The following TGFB2 variants were observed in gnomAD, a reference collection of about 807,000 sequenced individuals.
The protein encoded by TGFB2 is transforming growth factor beta-2 proprotein.
In TGFB2, 13 loss-of-function variants were observed where a neutral mutation model predicts 42.7. That is an observed-to-expected ratio of 0.30 (90% CI 0.20 to 0.48). The LOEUF (loss-of-function observed/expected upper bound fraction) is 0.48. Among genes scored for constraint, TGFB2 ranks in the 20% least tolerant of loss-of-function variants. The pLI, the probability that TGFB2 is intolerant of heterozygous loss-of-function variation, is 0.99. For synonymous variants in TGFB2, 193 were observed against 193.6 expected (o/e 1.00, Z 0.03); for missense variants, 390 against 517.5 (o/e 0.75, Z 2.39).
chr1:218,430,006 A>T (rs992545952), intron 2 of TGFB2, among the ~76,000 whole-genome samples: 1 of 152,214 alleles, frequency 6.6e-6, no homozygotes, highest in African/African-American at 2.4e-5. Context: ...ATCAGCCAAT[A>T]TATATTATAA....
In TGFB2 at chr1:218,444,510, C is replaced by T. The variant is rs771142078; in HGVS notation, c.*3148C>T. 1 of 152,162 alleles carries T rather than the reference C, an allele frequency of 6.6e-6. No homozygotes were observed. Among genetic ancestry groups the T allele is most frequent in the African/African-American group, 2.4e-5 (1 of 41,434 alleles). 9.4% of individuals were successfully genotyped at this position (152,162 alleles called of 1,614,324 possible). A position where few individuals can be genotyped will look rare whatever the true frequency, so the allele number is the denominator to read the frequency against. On this transcript the variant is annotated 3_prime_UTR_variant, in exon 7 of 7. Transcript: ENST00000366930. ...CCACTGCACCACAAACAAAAAAACC[C>T]ACCCTATTTCCTCCAATTTTTTTGG...
intron 1 of TGFB2, among the ~76,000 whole-genome samples, chr1:218,348,363 G>A (rs1656763097): frequency 6.6e-6 from 1 of 152,126 alleles, no homozygotes; most frequent in African/African-American, 2.4e-5. Context: ...CTAGTTGCAG[G>A]GTGGTGCTTT....
At position 218,361,356 on chromosome 1, in the gene TGFB2, T is replaced by A. The variant is rs1033806306; in HGVS notation, c.346+14309T>A. Among the ~76,000 whole-genome samples, 58 of 152,066 alleles carry A rather than the reference T, an allele frequency of 3.8e-4. 1 individual carries two copies. The highest frequency in any genetic ancestry group is 1.4e-3 in the African/African-American group (57 of 41,402). On this transcript the variant is annotated intron_variant, in intron 1 of 6. Coordinates refer to ENST00000366930, the MANE Select transcript of TGFB2 (RefSeq NM_003238.6). ...ATTTTAATGCTGTTTTATAGCAGAG[T>A]GAAAGTAAACCAAAGGTGCATACTT...
Position 218,380,618 on chromosome 1 carries a change from C to T in TGFB2, c.347-24551C>T, listed in dbSNP as rs552511219. 1.1e-3 allele frequency among the ~76,000 whole-genome samples: 173 copies of T among 152,194 alleles called. 1 individual carries two copies. Among genetic ancestry groups the T allele is most frequent in the Non-Finnish European group, 1.8e-3 (122 of 67,990 alleles). On this transcript the variant is annotated intron_variant, in intron 1 of 6. Transcript: ENST00000366930. ...CGGGTGCCAAGAAGCAACTGCACTC[C>T]GCCTGGGATGCCAAGCATTCCAGAC...
chr1:218,371,860 T>G (rs1657583178), intron 1 of TGFB2, among the ~76,000 whole-genome samples: 1 of 152,228 alleles, frequency 6.6e-6, no homozygotes, highest in Non-Finnish European at 1.5e-5. Flanking sequence ...TGTAGTTCCC[T>G]AGAACCCCAT....
At chr1:218,397,638 G>A (rs1009407625) in intron 1 of TGFB2, among the ~76,000 whole-genome samples, 2 of 151,388 alleles carry the variant, frequency 1.3e-5, no homozygotes, top group Non-Finnish European at 2.9e-5. Flanking sequence ...TTCTTCTGTC[G>A]TATATTTCAG....
chr1:218,411,358 C>CATT (rs1659090333), intron 2 of TGFB2, among the ~76,000 whole-genome samples: 1 of 152,130 alleles, frequency 6.6e-6, no homozygotes, highest in Non-Finnish European at 1.5e-5. Context: ...CACTTGGTAG[C>CATT]ATTTAGATGA....
intron 1 of TGFB2, among the ~76,000 whole-genome samples, chr1:218,381,757 G>A (rs965431270): frequency 3.3e-5 from 5 of 152,306 alleles, no homozygotes; most frequent in Admixed American, 2.0e-4. Context: ...AGAGCTCCAG[G>A]TAGCTTGTAC....
At chr1:218,397,248 A>G (rs1037129931) in intron 1 of TGFB2, among the ~76,000 whole-genome samples, 13 of 147,916 alleles carry the variant, frequency 8.8e-5, no homozygotes, top group African/African-American at 3.1e-4. Context: ...AGCCTGGGCC[A>G]CAGAGCAAGA....
At chr1:218,436,585 C>T (rs189918016) in intron 5 of TGFB2, among the ~76,000 whole-genome samples, 13 of 152,304 alleles carry the variant, frequency 8.5e-5, no homozygotes, top group African/African-American at 2.2e-4. Context: ...CAGAAGAATG[C>T]CGTGTGTCAC....
rs1400441604 is a variant in TGFB2 at position 218,436,165 on chromosome 1, A to T, written c.932+18A>T. The T allele has an allele frequency of 6.2e-7, 1 of 1,603,832 alleles. No individual in the cohort carries two copies. The highest frequency in any genetic ancestry group is 8.5e-7 in the Non-Finnish European group (1 of 1,176,268). On this transcript the variant is annotated intron_variant, in intron 5 of 6. Transcript: ENST00000366930. ...TGCTTTAGGTAAAGGAAAGAAAAGT[A>T]AAACCAAGTAATTGCATCTGTTAAC... is the stretch of plus-strand genomic sequence containing the variant.
Position 218,434,072 on chromosome 1 carries a change from T to TC in TGFB2, c.511-6dup, listed in dbSNP as rs749268241. The TC allele has an allele frequency of 6.2e-7, 1 of 1,612,726 alleles. No homozygotes were observed. The highest frequency in any genetic ancestry group is 1.7e-5 in the Admixed American group (1 of 59,962). ...ACTCAGCCTTTTCTCTTGCTCTTTT[T>TC]CCCCTCCAGATTCTCAAGTCCAAAG... On this transcript the variant is annotated splice_polypyrimidine_tract_variant and intron_variant, in intron 2 of 6. Coordinates refer to ENST00000366930, the MANE Select transcript of TGFB2 (RefSeq NM_003238.6).
At chr1:218,352,678 C>T (rs539966925) in intron 1 of TGFB2, among the ~76,000 whole-genome samples, 1 of 152,320 alleles carries the variant, frequency 6.6e-6, no homozygotes, top group East Asian at 1.9e-4. Context: ...CCCACACTCT[C>T]ACCACTACCT....
rs562857539 is a variant in TGFB2 at position 218,434,034 on chromosome 1, T to C, written c.511-48T>C. On this transcript the variant is annotated intron_variant, in intron 2 of 6. Transcript: ENST00000366930. Reference sequence around the variant, plus strand: ...GTTAATAGTTTTGGTTTAGTCATGCTGTCAGAATGCCAACTCAGCCTTTTC... The same window carrying C: ...GTTAATAGTTTTGGTTTAGTCATGCCGTCAGAATGCCAACTCAGCCTTTTC... 60 of 1,607,302 alleles carry C rather than the reference T, an allele frequency of 3.7e-5. 1 individual carries two copies. In the South Asian group the frequency reaches 6.1e-4, roughly 16 times the overall value.
chr1:218,362,538 G>A (rs1657247941), intron 1 of TGFB2, among the ~76,000 whole-genome samples: 1 of 152,124 alleles, frequency 6.6e-6, no homozygotes, highest in African/African-American at 2.4e-5. Flanking sequence ...GACAGAACAG[G>A]GGTTTGAATT....
chr1:218,434,090 G>A lies in TGFB2; in HGVS notation c.519G>A (p.Lys173=), dbSNP rs769193722. Residue 173 remains lysine (K), a synonymous_variant, in exon 3 of 7, where the codon AAG becomes AAA. Transcript: ENST00000366930. Reference sequence around the variant, plus strand: ...CTCTTTTTCCCCTCCAGATTCTCAAGTCCAAAGATTTAACATCTCCAACCC... The same window carrying A: ...CTCTTTTTCCCCTCCAGATTCTCAAATCCAAAGATTTAACATCTCCAACCC... ...EQRIELYQIL[K]SKDLTSPTQR... 5.6e-6 allele frequency: 9 copies of A among 1,613,846 alleles called. No individual in the cohort carries two copies. In the East Asian group the frequency reaches 6.7e-5, roughly 12 times the overall value.
At chr1:218,401,680 G>A (rs998656472) in intron 1 of TGFB2, among the ~76,000 whole-genome samples, 2 of 152,298 alleles carry the variant, frequency 1.3e-5, no homozygotes, top group Middle Eastern at 3.4e-3. Context: ...GGACTTTAGC[G>A]AGAACTCCCA....
intron 1 of TGFB2, among the ~76,000 whole-genome samples, chr1:218,384,826 G>A (rs1156545880): frequency 6.6e-6 from 1 of 152,210 alleles, no homozygotes; most frequent in Non-Finnish European, 1.5e-5. Context: ...AAACGTGGGG[G>A]ATGACTCATG....
chr1:218,405,234 GAGA>G lies in TGFB2; in HGVS notation c.417_419del (p.Lys139del). On this transcript the variant is annotated inframe_deletion, in exon 2 of 7. Coordinates refer to ENST00000366930, the MANE Select transcript of TGFB2 (RefSeq NM_003238.6). ...TGTTCGATTTGACGTCTCAGCAATG[GAGA>G]AGAATGCTTCCAATTTGGTGAAAGC... 6.2e-7 allele frequency: 1 copy of G among 1,613,988 alleles called. No homozygotes were observed. Among genetic ancestry groups the G allele is most frequent in the Non-Finnish European group, 8.5e-7 (1 of 1,179,884 alleles).
Sources: allele counts gnomAD v4.1 joint callset (sites outside exome capture counted in the v4.1 genomes callset), GRCh38; gene constraint gnomAD v4.1.1; transcripts MANE v1.5; gene names NCBI Gene and HGNC (gene_info 2026-07-23, HGNC 2026-07-21).